IVNS1ABP: variants seen among roughly 807,000 people sequenced by gnomAD.
IVNS1ABP encodes influenza virus NS1A-binding protein.
In IVNS1ABP, 25 loss-of-function variants were observed where a neutral mutation model predicts 78.9. That is an observed-to-expected ratio of 0.32 (90% CI 0.23 to 0.44). IVNS1ABP has a LOEUF of 0.44. Ranked by LOEUF, IVNS1ABP falls within the 20% of genes least tolerant of loss-of-function variation. IVNS1ABP has a pLI of 1.00. For synonymous variants in IVNS1ABP, 241 were observed against 259.7 expected (o/e 0.93, Z 0.69); for missense variants, 494 against 768.9 (o/e 0.64, Z 4.23).
rs1666059302 is a variant in IVNS1ABP at position 185,317,140 on chromosome 1, G to A, written c.-434C>T. On this transcript the variant is annotated 5_prime_UTR_variant, in exon 1 of 15. Coordinates refer to ENST00000367498, the MANE Select transcript of IVNS1ABP (RefSeq NM_006469.5). ...AGGGGGAGCGCCACCGAGAACTCGC[G>A]GGAACTCGCTCGCTCGCCGATACAG... 5.0e-6 allele frequency: 2 copies of A among 398,446 alleles called. No individual in the cohort carries two copies. The highest frequency in any genetic ancestry group is 4.4e-6 in the Non-Finnish European group (1 of 226,066). The allele number at this position is 398,446 out of a possible 1,614,324, so 24.7% of individuals were successfully genotyped here.
intron 2 of IVNS1ABP, among the ~76,000 whole-genome samples, chr1:185,310,781 G>A (rs1190164435): frequency 1.3e-5 from 2 of 151,786 alleles, no homozygotes; most frequent in Non-Finnish European, 2.9e-5. Flanking sequence ...GGAAGGCTGA[G>A]GCAGGAGAAG....
Position 185,300,342 on chromosome 1 carries a change from C to T in IVNS1ABP, c.1244G>A (p.Gly415Asp). The change falls in exon 12 of 15, where the codon GGC (glycine) becomes GAC (aspartate). Residue 415 changes from glycine to aspartate, a missense_variant and splice_region_variant. Transcript: ENST00000367498. ...TGATCCACCTACCACATAGAGCTGG[C>T]CCTATGCCAAAAGTGAGAGATGAGA... ...RARFQMAVLM[G>D]QLYVVGGSNG... 6.2e-7 allele frequency: 1 copy of T among 1,613,414 alleles called. No homozygotes were observed. The highest frequency in any genetic ancestry group is 8.5e-7 in the Non-Finnish European group (1 of 1,179,698).
rs913978614 is a variant in IVNS1ABP, at chr1:185,309,301, T to C, written c.111+82A>G. 3.2e-6 allele frequency: 4 copies of C among 1,240,722 alleles called. No homozygotes were observed. The African/African-American group carries it at 6.2e-5, about 19-fold the overall frequency. 76.9% of individuals were successfully genotyped at this position (1,240,722 alleles called of 1,614,324 possible). A position where few individuals can be genotyped will look rare whatever the true frequency, so the allele number is the denominator to read the frequency against. Reference sequence around the variant, plus strand: ...AAAAAATCATTTCATTAAATGCCTATGAAAAAGAAATAAGCAAATCTAAGA... The same window carrying C: ...AAAAAATCATTTCATTAAATGCCTACGAAAAAGAAATAAGCAAATCTAAGA... On this transcript the variant is annotated intron_variant, in intron 3 of 14. Transcript: ENST00000367498.
In IVNS1ABP at chr1:185,308,825, T is replaced by C; in HGVS notation, c.332A>G (p.Lys111Arg). The C allele has an allele frequency of 1.9e-6, 3 of 1,609,720 alleles. No homozygotes were observed. Among genetic ancestry groups the C allele is most frequent in the Non-Finnish European group, 2.5e-6 (3 of 1,179,132 alleles). The change falls in exon 5 of 15, where the codon AAG becomes AGG. Residue 111 changes from lysine (K) to arginine (R), a missense_variant. Lys to Arg is a conservative substitution (Grantham distance 26). Coordinates refer to ENST00000367498, the MANE Select transcript of IVNS1ABP (RefSeq NM_006469.5). ...LVKDVYSAAK[K>R]LKMDRVKQVC... ...CTGCTTTACTCGATCCATCTTCAGCTTTTTTGCTGCAGAATAAACATCTTT... is the reference window on the plus strand; with the variant it reads ...CTGCTTTACTCGATCCATCTTCAGCCTTTTTGCTGCAGAATAAACATCTTT...
At chr1:185,302,833 G>C (rs1027760557) in intron 8 of IVNS1ABP, among the ~76,000 whole-genome samples, 8 of 152,124 alleles carry the variant, frequency 5.3e-5, no homozygotes, top group African/African-American at 1.9e-4. Context: ...TGAAACTCAA[G>C]AAGATATGCA....
intron 3 of IVNS1ABP, 29 bp downstream of exon 3, chr1:185,309,354 C>A: frequency 2.8e-6 from 4 of 1,440,886 alleles, no homozygotes; most frequent in Non-Finnish European, 3.8e-6. Flanking sequence ...ATAAAAAATT[C>A]TATAAATTTT....
chr1:185,309,356 A>T (rs776621658), intron 3 of IVNS1ABP, 27 bp downstream of exon 3: 6 of 1,454,786 alleles, frequency 4.1e-6, no homozygotes, highest in Non-Finnish European at 5.6e-6. Context: ...AAAAAATTCT[A>T]TAAATTTTGA....
At chr1:185,304,577 T>G (rs1411455037) in intron 8 of IVNS1ABP, among the ~76,000 whole-genome samples, 1 of 152,154 alleles carries the variant, frequency 6.6e-6, no homozygotes, top group Non-Finnish European at 1.5e-5. Flanking sequence ...GTCGACTGCT[T>G]TATAGCTTGT....
At chr1:185,302,367 C>T (rs1391429573) in intron 8 of IVNS1ABP, among the ~76,000 whole-genome samples, 10 of 152,106 alleles carry the variant, frequency 6.6e-5, no homozygotes. Context: ...GCCTTTGCCA[C>T]TTCCAAAGGA....
chr1:185,298,432 C>T lies in IVNS1ABP; in HGVS notation c.1676-144G>A, dbSNP rs1665479868. 1.4e-6 allele frequency: 1 copy of T among 712,700 alleles called. No homozygotes were observed. The highest frequency in any genetic ancestry group is 2.7e-5 in the East Asian group (1 of 36,840). 44.1% of individuals were successfully genotyped at this position (712,700 alleles called of 1,614,324 possible). A position where few individuals can be genotyped will look rare whatever the true frequency, so the allele number is the denominator to read the frequency against. ...TTGTCAAAAAGAATTTATTAAATGC[C>T]TAATATGACAAATACTCTCTAAGAG... is the stretch of plus-strand genomic sequence containing the variant. On this transcript the variant is annotated intron_variant, in intron 14 of 14. Transcript: ENST00000367498. The surrounding 1 kb of genome is among the most constrained non-coding windows in gnomAD (Gnocchi z 4.1).
At chr1:185,306,667 G>C in intron 7 of IVNS1ABP, 1 of 1,145,366 alleles carries the variant, frequency 8.7e-7, no homozygotes, top group Non-Finnish European at 1.1e-6. Context: ...ACCATTAGAA[G>C]CTTTTACCTA....
At chr1:185,307,854 G>A (rs551505388) in intron 5 of IVNS1ABP, 192 bp from the exon 6 acceptor site, 2 of 1,345,378 alleles carry the variant, frequency 1.5e-6, no homozygotes, top group East Asian at 5.0e-5. Context: ...AGATATGTAA[G>A]TTTTAGTTTA....
chr1:185,309,056 A>C lies in IVNS1ABP; in HGVS notation c.228T>G (p.Asp76Glu). ...DPHGISHVKF[D>E]DLNPEAVEVL... is the part of the protein sequence containing the mutation. ...CTTCAACAGCTTCTGGATTGAGATC[A>C]TCAAATTTAACGTGAGAAATTCCAT... is the stretch of plus-strand genomic sequence containing the variant. The change falls in exon 4 of 15, where the codon GAT becomes GAG. Residue 76 changes from aspartate to glutamate, a missense_variant. Asp to Glu is a conservative substitution (Grantham distance 45, BLOSUM62 2). Coordinates refer to ENST00000367498, the MANE Select transcript of IVNS1ABP (RefSeq NM_006469.5). The C allele has an allele frequency of 3.7e-6, 6 of 1,613,240 alleles. No individual in the cohort carries two copies. The highest frequency in any genetic ancestry group is 5.1e-6 in the Non-Finnish European group (6 of 1,179,602).
chr1:185,303,970 C>T (rs796840851), intron 8 of IVNS1ABP, among the ~76,000 whole-genome samples: 46 of 152,156 alleles, frequency 3.0e-4, no homozygotes, highest in African/African-American at 1.1e-3. Context: ...GTATAAGCCC[C>T]ATTCAGGGAG....
At position 185,309,325 on chromosome 1, in the gene IVNS1ABP, G is replaced by A. The variant is rs376926975; in HGVS notation, c.111+58C>T. 141 of 1,301,966 alleles carry A rather than the reference G, an allele frequency of 1.1e-4. 5 individuals are homozygous for A. Among genetic ancestry groups the A allele is most frequent in the East Asian group, 7.6e-4 (31 of 40,568 alleles). The allele number at this position is 1,301,966 out of a possible 1,614,324, so 80.7% of individuals were successfully genotyped here. A position where few individuals can be genotyped will look rare whatever the true frequency, so the allele number is the denominator to read the frequency against. On this transcript the variant is annotated intron_variant, in intron 3 of 14. Transcript: ENST00000367498. ...ATGAAAAAGAAATAAGCAAATCTAA[G>A]AACTTATGGCTTTTAGTAATAAAAA...
rs543891647 is a variant in IVNS1ABP, at chr1:185,317,123, C to G, written c.-417G>C. ...CGTGGAGACTGAAAGGAAGGGGGAG[C>G]GCCACCGAGAACTCGCGGGAACTCG... On this transcript the variant is annotated 5_prime_UTR_variant, in exon 1 of 15. Transcript: ENST00000367498. 5.3e-6 allele frequency: 2 copies of G among 376,370 alleles called. No homozygotes were observed. Among genetic ancestry groups the G allele is most frequent in the Admixed American group, 9.6e-5 (2 of 20,758 alleles). The allele number at this position is 376,370 out of a possible 1,614,324, so 23.3% of individuals were successfully genotyped here. A position where few individuals can be genotyped will look rare whatever the true frequency, so the allele number is the denominator to read the frequency against.
At position 185,301,465 on chromosome 1, in the gene IVNS1ABP, C is replaced by G; in HGVS notation, c.864G>C (p.Glu288Asp). ...TCTTTTCTGAAGCAACGATTTTCCA[C>G]TCATGCTTAGGGCTTTGTACTGTAG... Reference protein sequence around the residue: ...PNATVQSPKHEWKIVASEKTS... With the variant: ...PNATVQSPKHDWKIVASEKTS... Residue 288 changes from glutamate to aspartate, a missense_variant, in exon 9 of 15, where the codon GAG becomes GAC. Coordinates refer to ENST00000367498, the MANE Select transcript of IVNS1ABP (RefSeq NM_006469.5). 6.2e-7 allele frequency: 1 copy of G among 1,613,254 alleles called. No individual in the cohort carries two copies.
Position 185,297,110 on chromosome 1 carries a change from A to C in IVNS1ABP, c.*925T>G, listed in dbSNP as rs1336341887. The C allele has an allele frequency of 6.6e-6, 1 of 152,116 alleles. No homozygotes were observed. Among genetic ancestry groups the C allele is most frequent in the African/African-American group, 2.4e-5 (1 of 41,414 alleles). 9.4% of individuals were successfully genotyped at this position (152,116 alleles called of 1,614,324 possible). A position where few individuals can be genotyped will look rare whatever the true frequency, so the allele number is the denominator to read the frequency against. ...TCACAACCTAATGTAGTTTAAAGTA[A>C]ATTTTTTCACAATTGAGGGCTGCTA... On this transcript the variant is annotated 3_prime_UTR_variant, in exon 15 of 15. Coordinates refer to ENST00000367498, the MANE Select transcript of IVNS1ABP (RefSeq NM_006469.5).
chr1:185,313,966 A>C (rs531478242), intron 1 of IVNS1ABP, among the ~76,000 whole-genome samples: 1 of 152,348 alleles, frequency 6.6e-6, no homozygotes, highest in South Asian at 2.1e-4. Flanking sequence ...GTGAAATACA[A>C]TTCAACAGGT....
Sources: allele counts gnomAD v4.1 joint callset (sites outside exome capture counted in the v4.1 genomes callset), GRCh38; gene constraint gnomAD v4.1.1; non-coding constraint Gnocchi (gnomAD v3.1); transcripts MANE v1.5; gene names NCBI Gene and HGNC (gene_info 2026-07-23, HGNC 2026-07-21).